MEI1: variants seen among roughly 807,000 people sequenced by gnomAD.
The protein encoded by MEI1 is meiotic double-stranded break formation protein 1.
Under a neutral mutation model 146.2 loss-of-function variants are expected in MEI1, and 103 were observed. That is an observed-to-expected ratio of 0.70 (90% CI 0.60 to 0.83). The LOEUF (loss-of-function observed/expected upper bound fraction) is 0.83, where lower values mean the gene tolerates loss of function less well. Ranked by LOEUF, MEI1 falls within the 40% of genes least tolerant of loss-of-function variation. MEI1 has a pLI of 0.00. For missense variants in MEI1, 1,529 were observed against 1,533.0 expected (o/e 1.00, Z 0.04); for synonymous variants, 652 against 628.2 (o/e 1.04, Z -0.57).
chr22:41,741,233 G>A (rs1041722063), intron 11 of MEI1, among the ~76,000 whole-genome samples: 1 of 152,144 alleles, frequency 6.6e-6, no homozygotes, highest in African/African-American at 2.4e-5. Flanking sequence ...TGGCCCTGAC[G>A]ACACCTCAAT....
intron 15 of MEI1, among the ~76,000 whole-genome samples, chr22:41,749,550 C>T (rs1051204491): frequency 3.9e-5 from 6 of 152,214 alleles, no homozygotes; most frequent in Non-Finnish European, 8.8e-5. Flanking sequence ...GCTGGGGTTA[C>T]AGACGTGAGC....
intron 20 of MEI1, 56 bp downstream of exon 20, chr22:41,771,017 A>G (rs1360625643): frequency 6.3e-7 from 1 of 1,575,492 alleles, no homozygotes; most frequent in African/African-American, 1.3e-5. Context: ...TCTCTCTCTG[A>G]GAGCCGGTTT....
intron 22 of MEI1, 94 bp downstream of exon 22, chr22:41,778,906 C>G (rs1602112014): frequency 2.3e-6 from 2 of 884,194 alleles, no homozygotes; most frequent in East Asian, 5.3e-5. Flanking sequence ...TTCTTCTACT[C>G]TTTCATCCCT....
intron 14 of MEI1, among the ~76,000 whole-genome samples, chr22:41,746,397 G>A (rs2073290411): frequency 6.6e-6 from 1 of 152,158 alleles, no homozygotes; most frequent in Non-Finnish European, 1.5e-5. Flanking sequence ...TATAAAGCAA[G>A]CCCATAACGT....
intron 4 of MEI1, among the ~76,000 whole-genome samples, chr22:41,714,481 T>A (rs1014874514): frequency 1.3e-5 from 2 of 152,192 alleles, no homozygotes; most frequent in Admixed American, 6.5e-5. Flanking sequence ...GGTGTTTGGT[T>A]CTATCAGCTT....
chr22:41,747,591 C>T (rs1040120651), intron 14 of MEI1, among the ~76,000 whole-genome samples: 8 of 151,950 alleles, frequency 5.3e-5, no homozygotes, highest in Non-Finnish European at 7.4e-5. Context: ...GTAATCCCAG[C>T]TACCTGGGAG....
intron 20 of MEI1, 22 bp from the exon 21 acceptor site, chr22:41,776,080 G>A (rs369773585): frequency 1.7e-5 from 27 of 1,610,856 alleles, no homozygotes; most frequent in Non-Finnish European, 2.3e-5. Context: ...TCTGATCTCT[G>A]GCTTTCTTCT....
chr22:41,750,958 A>C (rs1163072677), intron 15 of MEI1, among the ~76,000 whole-genome samples: 1 of 152,012 alleles, frequency 6.6e-6, no homozygotes, highest in Non-Finnish European at 1.5e-5. Context: ...ATGGGAGGCA[A>C]GTGTAGATCT....
At chr22:41,729,218 C>T (rs940709891) in intron 7 of MEI1, among the ~76,000 whole-genome samples, 2 of 149,774 alleles carry the variant, frequency 1.3e-5, no homozygotes, top group Non-Finnish European at 3.0e-5. Flanking sequence ...CTGTAGTCCC[C>T]GCTACTCAGG....
chr22:41,744,700 G>A (rs62236777), intron 12 of MEI1, among the ~76,000 whole-genome samples: 1 of 33,680 alleles, frequency 3.0e-5, no homozygotes, highest in Non-Finnish European at 5.5e-5. Context: ...GGGTTTCACC[G>A]TTTTAGCCGG....
intron 3 of MEI1, among the ~76,000 whole-genome samples, chr22:41,710,824 C>T (rs897233184): frequency 5.3e-5 from 8 of 152,210 alleles, no homozygotes; most frequent in Non-Finnish European, 1.0e-4. Context: ...CCAGTGAGGA[C>T]AAATCTCTGC....
At chr22:41,723,179 A>T (rs914883228) in intron 6 of MEI1, among the ~76,000 whole-genome samples, 1 of 150,878 alleles carries the variant, frequency 6.6e-6, no homozygotes, top group African/African-American at 2.4e-5. Context: ...TCTCATTTAC[A>T]TCATTTATCA....
intron 27 of MEI1, 116 bp downstream of exon 27, chr22:41,794,026 T>A: frequency 9.7e-7 from 1 of 1,027,702 alleles, no homozygotes; most frequent in Non-Finnish European, 1.5e-6. Flanking sequence ...TTGTTTTGTT[T>A]AATTCTTTTA....
intron 11 of MEI1, among the ~76,000 whole-genome samples, chr22:41,741,507 A>G (rs1384867757): frequency 2.6e-5 from 4 of 152,248 alleles, no homozygotes; most frequent in African/African-American, 9.6e-5. Context: ...CTGAGTCTAT[A>G]GAATCTGAGG....
Position 41,758,493 on chromosome 22 carries a change from A to T in MEI1, c.2080A>T (p.Ile694Phe). ...EGAARQRQYCILLLFYLAYIH... is the reference protein window; with the variant it reads ...EGAARQRQYCFLLLFYLAYIH... ...AGCTGCTCGCCAGAGACAGTACTGC[A>T]TCCTGCTCCTCTTCTACTTGGCCTA... Residue 694 changes from isoleucine (I) to phenylalanine (F), a missense_variant, in exon 18 of 31, where the codon ATC becomes TTC. Ile to Phe is a conservative substitution (Grantham distance 21, BLOSUM62 0). Around this residue, in one of 3 missense-constraint regions of MEI1, gnomAD observed 1,212 missense variants for 1,178.9 expected, o/e 1.03. Transcript: ENST00000401548. The T allele has an allele frequency of 6.2e-7, 1 of 1,613,674 alleles. No individual in the cohort carries two copies. The highest frequency in any genetic ancestry group is 8.5e-7 in the Non-Finnish European group (1 of 1,179,730).
chr22:41,773,920 G>A (rs1345325160), intron 20 of MEI1, among the ~76,000 whole-genome samples: 1 of 152,070 alleles, frequency 6.6e-6, no homozygotes, highest in Non-Finnish European at 1.5e-5. Context: ...CAACTTTATT[G>A]TCTGTTCATA....
At chr22:41,703,000 G>C (rs2068828822) in intron 1 of MEI1, among the ~76,000 whole-genome samples, 1 of 152,196 alleles carries the variant, frequency 6.6e-6, no homozygotes, top group Non-Finnish European at 1.5e-5. Flanking sequence ...TTACAGGTGT[G>C]AATCACCGGG....
intron 11 of MEI1, among the ~76,000 whole-genome samples, chr22:41,735,305 C>G (rs537127572): frequency 9.5e-5 from 14 of 146,748 alleles, no homozygotes; most frequent in South Asian, 6.6e-4. Context: ...GATCTCGGCT[C>G]ACCACAACCT....
intron 26 of MEI1, among the ~76,000 whole-genome samples, chr22:41,790,804 G>A (rs1302274214): frequency 1.3e-5 from 2 of 152,046 alleles, no homozygotes; most frequent in East Asian, 3.9e-4. Context: ...TATTGGCCAG[G>A]TTGGTCTCGA....
Sources: allele counts gnomAD v4.1 joint callset (sites outside exome capture counted in the v4.1 genomes callset), GRCh38; gene constraint gnomAD v4.1.1; regional missense constraint gnomAD v4.1.1; transcripts MANE v1.5; gene names NCBI Gene and HGNC (gene_info 2026-07-23, HGNC 2026-07-21).